Variants in STK32B observed in about 807,000 individuals in gnomAD.
STK32B encodes the protein serine/threonine kinase 32B, also known as serine/threonine-protein kinase 32B.
STK32B carries 43 observed loss-of-function variants against 52.6 expected under a neutral mutation model. That is an observed-to-expected ratio of 0.82 (90% CI 0.64 to 1.05). The LOEUF is 1.05. Ranked by LOEUF, STK32B falls within the 50% of genes least tolerant of loss-of-function variation. The pLI, the probability that STK32B is intolerant of heterozygous loss-of-function variation, is 0.00. For synonymous variants in STK32B, 238 were observed against 204.3 expected, an observed-to-expected ratio of 1.17 and a Z score of -1.41; for missense variants, 621 against 534.6, an observed-to-expected ratio of 1.16 and a Z score of -1.59.
Position 5,345,773 on chromosome 4 carries a change from A to T in STK32B, c.434+14380A>T, listed in dbSNP as rs149793564. On this transcript the variant is annotated intron_variant, in intron 4 of 11. Transcript: ENST00000282908. Reference sequence around the variant, plus strand: ...TCAAGTTCTTCAACAACACGTATCCATAGAATTGATCTGCTATCCAAGCTT... The same window carrying T: ...TCAAGTTCTTCAACAACACGTATCCTTAGAATTGATCTGCTATCCAAGCTT... 1.2e-4 allele frequency among the ~76,000 whole-genome samples: 19 copies of T among 152,410 alleles called. No homozygotes were observed. The East Asian group carries it at 3.7e-3, about 29-fold the overall frequency.
chr4:5,257,723 A>G (rs990631370), intron 3 of STK32B, among the ~76,000 whole-genome samples: 22 of 152,198 alleles, frequency 1.4e-4, no homozygotes, highest in Non-Finnish European at 2.9e-4. Context: ...TGGGTGGATC[A>G]CCTGAGGTCA....
intron 1 of STK32B, among the ~76,000 whole-genome samples, chr4:5,102,691 C>A (rs1713875501): frequency 6.6e-6 from 1 of 150,880 alleles, no homozygotes; most frequent in African/African-American, 2.4e-5. Flanking sequence ...ACCACCATAC[C>A]TGGCTAATTT....
intron 11 of STK32B, among the ~76,000 whole-genome samples, chr4:5,480,829 G>A (rs1426811298): frequency 6.6e-6 from 1 of 151,772 alleles, no homozygotes; most frequent in Non-Finnish European, 1.5e-5. Flanking sequence ...GATAACATGC[G>A]GTGTTTGGTG....
At chr4:5,223,675 G>A (rs1272165132) in intron 3 of STK32B, among the ~76,000 whole-genome samples, 1 of 152,004 alleles carries the variant, frequency 6.6e-6, no homozygotes, top group Non-Finnish European at 1.5e-5. Context: ...AAATTAGCCA[G>A]GCGTGGTGGT....
Position 5,460,225 on chromosome 4 carries a change from C to T in STK32B, c.906C>T (p.Pro302=), listed in dbSNP as rs758731986. Residue 302 remains proline, a synonymous_variant, in exon 9 of 12, where the codon CCC becomes CCT. Transcript: ENST00000282908. This position sits in a 1 kb window ranked among gnomAD's most constrained non-coding sequence, Gnocchi z 4.8. ...AGGCACTGATGCCCGGCTTTGTGCC[C>T]AATGTGAGTGGAAGTCCCACCTGAT... The part of the protein sequence containing the change: ...FKKALMPGFV[P]NKGRLNCDPT... The T allele has an allele frequency of 5.0e-6, 8 of 1,610,268 alleles. No homozygotes were observed. In the Admixed American group the frequency reaches 1.2e-4, roughly 24 times the overall value.
At position 5,446,853 on chromosome 4, in the gene STK32B, G is replaced by A. The variant is rs1050478769; in HGVS notation, c.666+77G>A. 1.4e-5 allele frequency: 20 copies of A among 1,456,254 alleles called. No individual in the cohort carries two copies. In the Admixed American group the frequency reaches 1.7e-4, roughly 13 times the overall value. The allele number at this position is 1,456,254 out of a possible 1,614,324, so 90.2% of individuals were successfully genotyped here. On this transcript the variant is annotated intron_variant, in intron 7 of 11. Transcript: ENST00000282908. ...ACGTTGTACCTGGACGGGCAGAGTC[G>A]GCAGGGCCCGCGGTGCAGGAAGGAG...
At chr4:5,057,767 C>T (rs928012730) in intron 1 of STK32B, among the ~76,000 whole-genome samples, 1 of 152,142 alleles carries the variant, frequency 6.6e-6, no homozygotes, top group Admixed American at 6.5e-5. Flanking sequence ...ATATTCTTAG[C>T]ATTACACCAT....
At chr4:5,116,823 A>G (rs914241466) in intron 1 of STK32B, among the ~76,000 whole-genome samples, 9 of 149,544 alleles carry the variant, frequency 6.0e-5, no homozygotes, top group Non-Finnish European at 1.3e-4. Context: ...CCTTTCATCA[A>G]TGACTTACAC....
intron 2 of STK32B, among the ~76,000 whole-genome samples, chr4:5,159,940 T>G: frequency 6.6e-6 from 1 of 152,062 alleles, no homozygotes; most frequent in Middle Eastern, 3.5e-3. Context: ...GAAGGGCGTC[T>G]GCCGCAGAAA....
At chr4:5,094,675 A>C (rs897175824) in intron 1 of STK32B, among the ~76,000 whole-genome samples, 2 of 152,114 alleles carry the variant, frequency 1.3e-5, no homozygotes, top group African/African-American at 4.8e-5. Context: ...TACAGTATAC[A>C]ATACTTATAA....
chr4:5,402,617 G>A (rs983744158), intron 5 of STK32B, among the ~76,000 whole-genome samples: 2 of 151,590 alleles, frequency 1.3e-5, no homozygotes, highest in Non-Finnish European at 2.9e-5. Flanking sequence ...CTGTCCTGGT[G>A]GCACATCACC....
intron 3 of STK32B, among the ~76,000 whole-genome samples, chr4:5,294,850 C>T (rs1277100199): frequency 6.6e-6 from 1 of 152,068 alleles, no homozygotes; most frequent in Non-Finnish European, 1.5e-5. Flanking sequence ...TGTCTTGTGT[C>T]AGTTTTCAAA....
At chr4:5,127,178 C>T (rs1715458325) in intron 1 of STK32B, 2 of 478,168 alleles carry the variant, frequency 4.2e-6, no homozygotes, top group African/African-American at 3.9e-5. Flanking sequence ...TTCCGTTAAA[C>T]ATAAGCAAAC....
chr4:5,491,039 T>G (rs1159796361), intron 11 of STK32B, among the ~76,000 whole-genome samples: 1 of 152,246 alleles, frequency 6.6e-6, no homozygotes, highest in African/African-American at 2.4e-5. Context: ...AACAGACGTG[T>G]GCATGTGTCT....
the STK32B span, among the ~76,000 whole-genome samples, chr4:5,032,618 GA>G: frequency 1.3e-4 from 20 of 151,236 alleles, no homozygotes; most frequent in Admixed American, 5.9e-4. Flanking sequence ...CCATACCTAT[GA>G]AAAAAAATTT....
At chr4:5,264,569 G>C (rs1002210934) in intron 3 of STK32B, among the ~76,000 whole-genome samples, 1 of 151,972 alleles carries the variant, frequency 6.6e-6, no homozygotes, top group Non-Finnish European at 1.5e-5. Context: ...GGCGGATCAC[G>C]AGGTCGGGGG....
intron 3 of STK32B, among the ~76,000 whole-genome samples, chr4:5,290,845 A>G (rs1471980607): frequency 6.6e-6 from 1 of 152,156 alleles, no homozygotes; most frequent in Non-Finnish European, 1.5e-5. Context: ...ATTCAACACA[A>G]TTATTTTTAA....
rs1423953395 is a variant in STK32B, at chr4:5,469,219, T to C, written c.1106+1149T>C. On this transcript the variant is annotated intron_variant, in intron 11 of 11. Coordinates refer to ENST00000282908, the MANE Select transcript of STK32B (RefSeq NM_018401.3). This position sits in a 1 kb window ranked among gnomAD's most constrained non-coding sequence, Gnocchi z 4.7. ...TCCTGCCCTCCAGGAGATTCAAATA[T>C]TGATTGACTCAAAAAATCATTGATT... 6.6e-6 allele frequency among the ~76,000 whole-genome samples: 1 copy of C among 152,140 alleles called. No homozygotes were observed.
chr4:5,404,940 C>T (rs1737561046), intron 5 of STK32B, among the ~76,000 whole-genome samples: 1 of 144,828 alleles, frequency 6.9e-6, no homozygotes, highest in Admixed American at 7.1e-5. Flanking sequence ...CATCTCGGCT[C>T]ACTGCAAGCT....
Sources: allele counts gnomAD v4.1 joint callset (sites outside exome capture counted in the v4.1 genomes callset), GRCh38; gene constraint gnomAD v4.1.1; non-coding constraint Gnocchi (gnomAD v3.1); transcripts MANE v1.5; gene names NCBI Gene and HGNC (gene_info 2026-07-23, HGNC 2026-07-21).